Variants in STYXL2 observed in about 807,000 individuals in gnomAD.
STYXL2 encodes the protein serine/threonine/tyrosine-interacting-like protein 2.
Under a neutral mutation model 52.4 loss-of-function variants are expected in STYXL2, and 44 were observed. The ratio of observed to expected loss-of-function variants is 0.84; its 90% CI spans 0.66 to 1.08. The LOEUF is 1.08. Among genes scored for constraint, STYXL2 ranks in the 50% least tolerant of loss-of-function variants. The pLI, the probability that STYXL2 is intolerant of heterozygous loss-of-function variation, is 0.00. For missense variants in STYXL2, 1,604 were observed against 1,471.7 expected (o/e 1.09, Z -1.47); for synonymous variants, 604 against 586.9 (o/e 1.03, Z -0.42).
chr1:167,113,436 G>A (rs1376091615), intron 2 of STYXL2, among the ~76,000 whole-genome samples: 6 of 152,202 alleles, frequency 3.9e-5, no homozygotes, highest in South Asian at 2.1e-4. Context: ...TCCCCCAAGC[G>A]TAGATGTACG....
At chr1:167,119,699 C>T (rs1255821298) in intron 5 of STYXL2, among the ~76,000 whole-genome samples, 1 of 152,068 alleles carries the variant, frequency 6.6e-6, no homozygotes, top group Non-Finnish European at 1.5e-5. Context: ...ACACAGGCAA[C>T]GCTTCCAGCC....
Position 167,127,866 on chromosome 1 carries a change from G to C in STYXL2, c.2735G>C (p.Cys912Ser), listed in dbSNP as rs373536543. The C allele has an allele frequency of 2.5e-6, 4 of 1,613,816 alleles. No homozygotes were observed. The highest frequency in any genetic ancestry group is 3.4e-6 in the Non-Finnish European group (4 of 1,180,046). ...SNSQKPETDT[C>S]SSLAVCDHYA... ...TCCCAGAAACCTGAAACAGACACAT[G>C]CTCCTCCCTGGCTGTCTGTGATCAC... Residue 912 changes from cysteine to serine, a missense_variant, in exon 6 of 6, where the codon TGC becomes TCC. By Grantham distance (112) the Cys-to-Ser change is moderately radical. Transcript: ENST00000361200.
rs189738552 is a variant in STYXL2, at chr1:167,113,449, C to G, written c.111-261C>G. ...GTTCCCCCAAGCGTAGATGTACGCTCTTGCCTCCACAACATAGACCACCAT... is the reference window on the plus strand; with the variant it reads ...GTTCCCCCAAGCGTAGATGTACGCTGTTGCCTCCACAACATAGACCACCAT... On this transcript the variant is annotated intron_variant, in intron 2 of 5. Transcript: ENST00000361200. 2.5e-4 allele frequency among the ~76,000 whole-genome samples: 38 copies of G among 152,362 alleles called. 1 individual carries two copies. The highest frequency in any genetic ancestry group is 6.8e-3 in the Middle Eastern group (2 of 294).
At chr1:167,113,136 T>C (rs1667651663) in intron 2 of STYXL2, among the ~76,000 whole-genome samples, 1 of 105,160 alleles carries the variant, frequency 9.5e-6, no homozygotes. Flanking sequence ...TGACTCTCGA[T>C]TTCATGTGCT....
At chr1:167,125,666 G>A in intron 5 of STYXL2, 121 bp from the exon 6 acceptor site, 1 of 1,385,430 alleles carries the variant, frequency 7.2e-7, no homozygotes, top group Non-Finnish European at 9.3e-7. Flanking sequence ...AACTTCAGAG[G>A]CAAAGTAAAC....
chr1:167,123,146 A>G (rs1667892806), intron 5 of STYXL2, among the ~76,000 whole-genome samples: 5 of 152,240 alleles, frequency 3.3e-5, no homozygotes, highest in African/African-American at 7.2e-5. Context: ...GAGGCCCCCT[A>G]GAGTTGTGCA....
chr1:167,096,628 A>T lies in STYXL2; in HGVS notation c.110+1669A>T, dbSNP rs557723704. Among the ~76,000 whole-genome samples the T allele has an allele frequency of 2.3e-4, 35 of 152,278 alleles. No individual in the cohort carries two copies. The South Asian group carries it at 7.1e-3, about 31-fold the overall frequency. On this transcript the variant is annotated intron_variant, in intron 2 of 5. Coordinates refer to ENST00000361200, the MANE Select transcript of STYXL2 (RefSeq NM_001080426.3). The stretch of plus-strand genomic sequence containing the variant: ...TTTCCCAGGAGGTTTTATGGTCCAG[A>T]TGTGAAAATGGTCACTTCATTTTCA...
At position 167,117,598 on chromosome 1, in the gene STYXL2, C is replaced by G; in HGVS notation, c.437+39C>G. On this transcript the variant is annotated intron_variant, in intron 4 of 5. Transcript: ENST00000361200. ...CTCTTCATGACCCTTTGTCCTAACC[C>G]TCTGGTTAGTGCCTGAGACAGACGA... 3 of 1,522,078 alleles carry G rather than the reference C, an allele frequency of 2.0e-6. No individual in the cohort carries two copies. In the South Asian group the frequency reaches 3.6e-5, roughly 18 times the overall value. The allele number at this position is 1,522,078 out of a possible 1,614,324, so 94.3% of individuals were successfully genotyped here. A position where few individuals can be genotyped will look rare whatever the true frequency, so the allele number is the denominator to read the frequency against.
intron 2 of STYXL2, among the ~76,000 whole-genome samples, chr1:167,113,315 G>T (rs900715297): frequency 6.6e-6 from 1 of 152,226 alleles, no homozygotes; most frequent in Admixed American, 6.5e-5. Context: ...CAGAAGACTG[G>T]CAGAGGCAAA....
rs1314230104 is a variant in STYXL2, at chr1:167,128,825, C to T, written c.*217C>T. Reference sequence around the variant, plus strand: ...TCAATACGAATACGAGGTCCGAATGCGGACCAACTGATACCATTTTCTGTT... The same window carrying T: ...TCAATACGAATACGAGGTCCGAATGTGGACCAACTGATACCATTTTCTGTT... On this transcript the variant is annotated 3_prime_UTR_variant, in exon 6 of 6. Coordinates refer to ENST00000361200, the MANE Select transcript of STYXL2 (RefSeq NM_001080426.3). 4.5e-6 allele frequency: 3 copies of T among 669,392 alleles called. No homozygotes were observed. The highest frequency in any genetic ancestry group is 7.1e-6 in the Non-Finnish European group (3 of 420,298). The allele number at this position is 669,392 out of a possible 1,614,324, so 41.5% of individuals were successfully genotyped here.
rs573670036 is a variant in STYXL2 at position 167,109,894 on chromosome 1, C to A, written c.111-3816C>A. 1.8e-4 allele frequency among the ~76,000 whole-genome samples: 27 copies of A among 152,354 alleles called. No individual in the cohort carries two copies. The South Asian group carries it at 5.4e-3, about 30-fold the overall frequency. On this transcript the variant is annotated intron_variant, in intron 2 of 5. Transcript: ENST00000361200. The stretch of plus-strand genomic sequence containing the variant: ...TGAGTCTGTCCACATGACAACTTCA[C>A]TGCTACCATAACCAGCATTTGAGAA...
Position 167,113,938 on chromosome 1 carries a change from G to A in STYXL2, c.205+134G>A, listed in dbSNP as rs1263680732. 4.1e-6 allele frequency: 3 copies of A among 726,414 alleles called. No homozygotes were observed. In the Admixed American group the frequency reaches 6.0e-5, roughly 15 times the overall value. The allele number at this position is 726,414 out of a possible 1,614,324, so 45.0% of individuals were successfully genotyped here. On this transcript the variant is annotated intron_variant, in intron 3 of 5. Transcript: ENST00000361200. ...GTTAGGAAGAGCAGATCTGCAGAAG[G>A]CAGTTCTGCCAACCCTACCTCCTCA... is the stretch of plus-strand genomic sequence containing the variant.
rs779953208 is a variant in STYXL2 at position 167,119,426 on chromosome 1, G to T, written c.615G>T (p.Lys205Asn). 6.2e-7 allele frequency: 1 copy of T among 1,614,222 alleles called. No individual in the cohort carries two copies. The highest frequency in any genetic ancestry group is 2.2e-5 in the East Asian group (1 of 44,880). ...TGGACATTTCCCAGCATTTCCGGAA[G>T]GCGTCTGAGTTCCTGGATGAGGCGC... ...PEVDISQHFR[K>N]ASEFLDEALL... The change falls in exon 5 of 6, where the codon AAG becomes AAT. Residue 205 changes from lysine to asparagine, a missense_variant. Lys to Asn is a moderately conservative substitution (Grantham distance 94). Transcript: ENST00000361200.
chr1:167,126,422 C>T lies in STYXL2; in HGVS notation c.1291C>T (p.Arg431Trp), dbSNP rs545663733. The T allele has an allele frequency of 5.8e-6, 9 of 1,561,116 alleles. No individual in the cohort carries two copies. Among genetic ancestry groups the T allele is most frequent in the East Asian group, 4.8e-5 (2 of 41,940 alleles). ...CGCTGGCTCCTCGGTGGGGAGGCGG[C>T]GGCGCACCCTGAGCGAGAGCAGCGC... ...SDAGSSVGRRRRTLSESSAWE... is the reference protein window; with the variant it reads ...SDAGSSVGRRWRTLSESSAWE... Residue 431 changes from arginine (R) to tryptophan (W), a missense_variant, in exon 6 of 6, where the codon CGG becomes TGG. Physicochemically the swap from Arg to Trp is moderately radical, Grantham distance 101. Coordinates refer to ENST00000361200, the MANE Select transcript of STYXL2 (RefSeq NM_001080426.3).
At chr1:167,114,348 G>T (rs755240032) in intron 3 of STYXL2, among the ~76,000 whole-genome samples, 1 of 152,178 alleles carries the variant, frequency 6.6e-6, no homozygotes, top group African/African-American at 2.4e-5. Context: ...TGGATTAGAT[G>T]AATTTTTTTC....
chr1:167,108,294 C>A (rs1489106487), intron 2 of STYXL2, among the ~76,000 whole-genome samples: 1 of 152,164 alleles, frequency 6.6e-6, no homozygotes, highest in Non-Finnish European at 1.5e-5. Context: ...CCACCTAATC[C>A]ACCTAATCTG....
intron 2 of STYXL2, among the ~76,000 whole-genome samples, chr1:167,099,660 C>T (rs1010681888): frequency 2.0e-5 from 3 of 152,200 alleles, no homozygotes; most frequent in Admixed American, 6.5e-5. Context: ...ATCAAAACTC[C>T]TATTCATTGC....
chr1:167,119,435 G>A lies in STYXL2; in HGVS notation c.624G>A (p.Glu208=). Residue 208 remains glutamate, a synonymous_variant, in exon 5 of 6, where the codon GAG becomes GAA. Transcript: ENST00000361200. The part of the protein sequence containing the change: ...DISQHFRKAS[E]FLDEALLTYR... ...CCCAGCATTTCCGGAAGGCGTCTGA[G>A]TTCCTGGATGAGGCGCTGCTGACTT... 1 of 1,614,210 alleles carries A rather than the reference G, an allele frequency of 6.2e-7. No homozygotes were observed. The highest frequency in any genetic ancestry group is 1.6e-4 in the Middle Eastern group (1 of 6,062).
chr1:167,120,345 A>G (rs1667824675), intron 5 of STYXL2, among the ~76,000 whole-genome samples: 1 of 152,248 alleles, frequency 6.6e-6, no homozygotes, highest in Non-Finnish European at 1.5e-5. Flanking sequence ...CACTGTATAT[A>G]CAATGTGACC....
Sources: allele counts gnomAD v4.1 joint callset (sites outside exome capture counted in the v4.1 genomes callset), GRCh38; gene constraint gnomAD v4.1.1; transcripts MANE v1.5; gene names NCBI Gene and HGNC (gene_info 2026-07-23, HGNC 2026-07-21).